Variants in RAF1 observed in about 807,000 individuals in gnomAD.
The protein encoded by RAF1 is RAF proto-oncogene serine/threonine-protein kinase.
A neutral mutation model predicts 81.1 loss-of-function variants in RAF1; 27 were observed. The ratio of observed to expected loss-of-function variants is 0.33; its 90% CI spans 0.25 to 0.46. RAF1 has a LOEUF of 0.46. Among genes scored for constraint, RAF1 ranks in the 20% least tolerant of loss-of-function variants. The pLI, the probability that RAF1 is intolerant of heterozygous loss-of-function variation, is 1.00. For missense variants in RAF1, 598 were observed against 826.0 expected, an observed-to-expected ratio of 0.72 and a Z score of 3.38; for synonymous variants, 298 against 294.0, an observed-to-expected ratio of 1.01 and a Z score of -0.14.
At chr3:12,586,368 AAAG>A (rs779100009) in intron 14 of RAF1, among the ~76,000 whole-genome samples, 1 of 152,196 alleles carries the variant, frequency 6.6e-6, no homozygotes, top group Non-Finnish European at 1.5e-5. Context: ...GCTTCTGGGT[AAAG>A]AAGTCATACA....
intron 1 of RAF1, among the ~76,000 whole-genome samples, chr3:12,626,138 G>A (rs777707456): frequency 5.3e-5 from 8 of 150,332 alleles, no homozygotes; most frequent in East Asian, 3.9e-4. Context: ...GTGGTGGTGC[G>A]CGCCTGTAAT....
intron 2 of RAF1, 38 bp from the exon 3 acceptor site, chr3:12,612,100 TGCA>T: frequency 6.6e-7 from 1 of 1,522,888 alleles, no homozygotes; most frequent in Non-Finnish European, 9.1e-7. Flanking sequence ...CAACACAGGC[TGCA>T]GCACCCCTTG....
chr3:12,664,067 G>T lies in RAF1; in HGVS notation c.-281C>A, dbSNP rs61761285. On this transcript the variant is annotated 5_prime_UTR_variant, in exon 1 of 18. Transcript: ENST00000442415. ...AGAAAGCCGTTCCCGCCTCACAATC[G>T]TTTTCCTCTTACTCCCGCCATCTAA... 5.0e-6 allele frequency: 2 copies of T among 398,244 alleles called. No individual in the cohort carries two copies. Among genetic ancestry groups the T allele is most frequent in the African/African-American group, 2.1e-5 (1 of 48,588 alleles). The allele number at this position is 398,244 out of a possible 1,614,324, so 24.7% of individuals were successfully genotyped here. A position where few individuals can be genotyped will look rare whatever the true frequency, so the allele number is the denominator to read the frequency against.
At chr3:12,659,121 T>C (rs1409881079) in intron 1 of RAF1, among the ~76,000 whole-genome samples, 4 of 151,806 alleles carry the variant, frequency 2.6e-5, no homozygotes, top group Admixed American at 2.6e-4. Flanking sequence ...AAGAAAAAAA[T>C]AGCCATTACT....
intron 1 of RAF1, among the ~76,000 whole-genome samples, chr3:12,632,196 T>C (rs1323903339): frequency 6.6e-6 from 1 of 151,894 alleles, no homozygotes; most frequent in Non-Finnish European, 1.5e-5. Context: ...CAGTGGCGCA[T>C]GCCTGTAGTC....
Position 12,592,767 on chromosome 3 carries a change from G to A in RAF1, c.1169-975C>T, listed in dbSNP as rs2058560301. On this transcript the variant is annotated intron_variant, in intron 11 of 17. Transcript: ENST00000442415. ...TTTTTTTTTTTTGAGACAGAGTCTC[G>A]CTCAGTCACCCAGGCTGGAGTGCAG... Among the ~76,000 whole-genome samples, 4 of 123,200 alleles carry A rather than the reference G, an allele frequency of 3.2e-5. No individual in the cohort carries two copies. In the South Asian group the frequency reaches 7.3e-4, roughly 22 times the overall value. The allele number at this position is 123,200 out of a possible 152,430, so 80.8% of individuals were successfully genotyped here.
chr3:12,620,259 C>T (rs2059516103), intron 1 of RAF1, among the ~76,000 whole-genome samples: 1 of 152,040 alleles, frequency 6.6e-6, no homozygotes, highest in Non-Finnish European at 1.5e-5. Context: ...CTCAGCCTCC[C>T]GAGTAGCCGG....
intron 1 of RAF1, among the ~76,000 whole-genome samples, chr3:12,639,293 TCCCTTTGAAAACTG>T (rs1241453457): frequency 6.6e-6 from 1 of 152,128 alleles, no homozygotes; most frequent in Non-Finnish European, 1.5e-5. Flanking sequence ...CTGGAAGCAT[TCCCTTTGAAAACTG>T]GCACCAGATA....
chr3:12,632,597 C>A (rs1164323845), intron 1 of RAF1, among the ~76,000 whole-genome samples: 2 of 152,128 alleles, frequency 1.3e-5, no homozygotes, highest in Admixed American at 1.3e-4. Context: ...TTTCCATCAG[C>A]AACTTAAAAG....
At chr3:12,646,151 T>C (rs540671414) in intron 1 of RAF1, among the ~76,000 whole-genome samples, 2 of 152,246 alleles carry the variant, frequency 1.3e-5, no homozygotes, top group South Asian at 4.1e-4. Flanking sequence ...CTAATCTTTG[T>C]TTTTTAGAGA....
chr3:12,610,743 T>C (rs532052742), intron 3 of RAF1, among the ~76,000 whole-genome samples: 8 of 152,306 alleles, frequency 5.3e-5, no homozygotes, highest in Admixed American at 1.3e-4. Flanking sequence ...ATGAATAACA[T>C]AAGTGACGCT....
chr3:12,607,818 G>C (rs2059082945), intron 5 of RAF1, among the ~76,000 whole-genome samples: 1 of 151,812 alleles, frequency 6.6e-6, no homozygotes, highest in South Asian at 2.1e-4. Context: ...GGGCGTGGTG[G>C]TGTGTGCCTG....
rs876657967 is a variant in RAF1, at chr3:12,584,534, G to A, written c.1987C>T (p.Pro663Ser). The change falls in exon 18 of 18, where the codon CCG becomes TCG. Residue 663 changes from proline (P) to serine (S), a missense_variant. Coordinates refer to ENST00000442415, the MANE Select transcript of RAF1 (RefSeq NM_001354689.3). ...GTCAACTAGAAGACAGGCAGCCTCG[G>A]GGACGTGGTCAGCGTGCAAGCATTG... 2 of 1,614,190 alleles carry A rather than the reference G, an allele frequency of 1.2e-6. No individual in the cohort carries two copies. Among genetic ancestry groups the A allele is most frequent in the Non-Finnish European group, 1.7e-6 (2 of 1,180,038 alleles).
At chr3:12,595,020 AG>A (rs2058642453) in intron 11 of RAF1, among the ~76,000 whole-genome samples, 1 of 152,218 alleles carries the variant, frequency 6.6e-6, no homozygotes, top group South Asian at 2.1e-4. Context: ...AGGATCAATG[AG>A]CAAACATTAT....
Position 12,649,156 on chromosome 3 carries a change from G to C in RAF1, c.-27+14657C>G, listed in dbSNP as rs185674161. Among the ~76,000 whole-genome samples, 284 of 152,144 alleles carry C rather than the reference G, an allele frequency of 1.9e-3. 2 individuals carry two copies. The highest frequency in any genetic ancestry group is 7.5e-3 in the South Asian group (36 of 4,824). On this transcript the variant is annotated intron_variant, in intron 1 of 17. Coordinates refer to ENST00000442415, the MANE Select transcript of RAF1 (RefSeq NM_001354689.3). ...AGAAAAGAAAAAGAAAAATTCCCTA[G>C]TCTTTAGTGGTGCGCTCAATAGTAA...
intron 2 of RAF1, among the ~76,000 whole-genome samples, chr3:12,616,684 G>T (rs1308145513): frequency 6.6e-6 from 1 of 152,164 alleles, no homozygotes; most frequent in Non-Finnish European, 1.5e-5. Flanking sequence ...GAGTGGAACT[G>T]TTAGAAGCAA....
In RAF1 at chr3:12,584,303, C is replaced by A; in HGVS notation, c.*211G>T. 1 of 617,420 alleles carries A rather than the reference C, an allele frequency of 1.6e-6. No homozygotes were observed. The highest frequency in any genetic ancestry group is 2.9e-6 in the Non-Finnish European group (1 of 348,142). The allele number at this position is 617,420 out of a possible 1,614,324, so 38.2% of individuals were successfully genotyped here. A position where few individuals can be genotyped will look rare whatever the true frequency, so the allele number is the denominator to read the frequency against. On this transcript the variant is annotated 3_prime_UTR_variant, in exon 18 of 18. Coordinates refer to ENST00000442415, the MANE Select transcript of RAF1 (RefSeq NM_001354689.3). ...GGGAATGTGGGGAGGGAGCAGGACA[C>A]ACCAGCACTGCAAATGGCTTCCTTC... is the stretch of plus-strand genomic sequence containing the variant.
Position 12,604,837 on chromosome 3 carries a change from G to A in RAF1, c.681-548C>T, listed in dbSNP as rs193227037. Among the ~76,000 whole-genome samples, 106 of 150,788 alleles carry A rather than the reference G, an allele frequency of 7.0e-4. 1 individual carries two copies. Among genetic ancestry groups the A allele is most frequent in the African/African-American group, 2.4e-3 (101 of 41,414 alleles). On this transcript the variant is annotated intron_variant, in intron 6 of 17. Coordinates refer to ENST00000442415, the MANE Select transcript of RAF1 (RefSeq NM_001354689.3). Reference sequence around the variant, plus strand: ...ATACCTAAATGTGAAATTAACCACTGGCCTCTTCCAGTCACCACCAACCCC... The same window carrying A: ...ATACCTAAATGTGAAATTAACCACTAGCCTCTTCCAGTCACCACCAACCCC...
chr3:12,652,869 T>C (rs967079527), intron 1 of RAF1, among the ~76,000 whole-genome samples: 10 of 150,226 alleles, frequency 6.7e-5, no homozygotes, highest in South Asian at 2.1e-4. Flanking sequence ...GAGACAGAGG[T>C]TGCAGTGAGT....
Sources: gnomAD v4.1 joint callset for allele counts (sites outside exome capture counted in the v4.1 genomes callset) on GRCh38, gnomAD v4.1.1 for gene constraint, MANE v1.5 for transcripts, NCBI Gene and HGNC (gene_info 2026-07-23, HGNC 2026-07-21) for gene names.